Variants in AREL1 observed in about 807,000 individuals in gnomAD.
AREL1 encodes apoptosis-resistant E3 ubiquitin protein ligase 1.
AREL1 carries 62 observed loss-of-function variants against 99.0 expected under a neutral mutation model. The ratio of observed to expected loss-of-function variants is 0.63; its 90% CI spans 0.51 to 0.77. AREL1 has a LOEUF of 0.77. Ranked by LOEUF, AREL1 falls within the 30% of genes least tolerant of loss-of-function variation. The pLI, the probability that AREL1 is intolerant of heterozygous loss-of-function variation, is 0.00. For synonymous variants in AREL1, 380 were observed against 376.5 expected, an observed-to-expected ratio of 1.01 and a Z score of -0.11; for missense variants, 879 against 1,027.6, an observed-to-expected ratio of 0.86 and a Z score of 1.98.
At position 74,673,127 on chromosome 14, in the gene AREL1, T is replaced by C; in HGVS notation, c.1250A>G (p.Glu417Gly). ...IQPPVELSCK[E>G]RNILAATFIR... ...AAAAGTGGCTGCTAGAATGTTCCTC[T>C]CCTTACAGCTGAGCTCCACAGGAGG... Residue 417 changes from glutamate (E) to glycine (G), a missense_variant, in exon 10 of 20, where the codon GAG (glutamate) becomes GGG (glycine). By Grantham distance (98) the Glu-to-Gly change is moderately conservative. Coordinates refer to ENST00000356357, the MANE Select transcript of AREL1 (RefSeq NM_001039479.2). 1 of 1,614,172 alleles carries C rather than the reference T, an allele frequency of 6.2e-7. No individual in the cohort carries two copies. The highest frequency in any genetic ancestry group is 1.7e-5 in the Admixed American group (1 of 60,026).
In AREL1 at chr14:74,673,994, A is replaced by G. The variant is rs769827949; in HGVS notation, c.1158+40T>C. The stretch of plus-strand genomic sequence containing the variant: ...AAAAGGCTGAGATAGTCCAGAGATG[A>G]AGCATGCTTGATGTGAACCAGATGT... On this transcript the variant is annotated intron_variant, in intron 9 of 19. Coordinates refer to ENST00000356357, the MANE Select transcript of AREL1 (RefSeq NM_001039479.2). 7 of 1,526,964 alleles carry G rather than the reference A, an allele frequency of 4.6e-6. No individual in the cohort carries two copies. In the South Asian group the frequency reaches 6.8e-5, roughly 15 times the overall value. The allele number at this position is 1,526,964 out of a possible 1,614,324, so 94.6% of individuals were successfully genotyped here.
At chr14:74,667,219 C>A in intron 17 of AREL1, 100 bp downstream of exon 17, 1 of 1,407,824 alleles carries the variant, frequency 7.1e-7, no homozygotes, top group Non-Finnish European at 9.9e-7. Flanking sequence ...GCATAAATGG[C>A]TTTCCAGCTG....
At chr14:74,678,695 CAAA>C (rs71119311) in intron 5 of AREL1, among the ~76,000 whole-genome samples, 45 of 95,370 alleles carry the variant, frequency 4.7e-4, no homozygotes, top group African/African-American at 6.8e-4. Context: ...CATGTATAAG[CAAA>C]AAAAAAAAAA....
At position 74,674,093 on chromosome 14, in the gene AREL1, ACTC is replaced by A. The variant is rs1432337720; in HGVS notation, c.1096_1098del (p.Glu366del). On this transcript the variant is annotated inframe_deletion, in exon 9 of 20. Coordinates refer to ENST00000356357, the MANE Select transcript of AREL1 (RefSeq NM_001039479.2). ...CGCCAGGGGATGATCTTCAGGTAGA[ACTC>A]CTTCACTGAGAATTGCTGGAGGACC... The A allele has an allele frequency of 6.2e-7, 1 of 1,613,574 alleles. No individual in the cohort carries two copies. The highest frequency in any genetic ancestry group is 2.2e-5 in the East Asian group (1 of 44,874).
chr14:74,665,099 C>T (rs374941116), intron 17 of AREL1, 174 bp from the exon 18 acceptor site: 68 of 520,684 alleles, frequency 1.3e-4, no homozygotes, highest in African/African-American at 1.1e-3. Context: ...TTACATACAA[C>T]AGGGCAATAG....
At chr14:74,669,534 T>G in intron 15 of AREL1, 115 bp downstream of exon 15, 1 of 1,365,874 alleles carries the variant, frequency 7.3e-7, no homozygotes, top group Non-Finnish European at 9.9e-7. Flanking sequence ...TTTGGGTGTT[T>G]AATAGACAAC....
At chr14:74,674,185 A>G in intron 8 of AREL1, 74 bp from the exon 9 acceptor site, 1 of 1,219,316 alleles carries the variant, frequency 8.2e-7, no homozygotes, top group Admixed American at 1.9e-5. Context: ...TAATTCAAAT[A>G]TCATAGTCCC....
At position 74,692,067 on chromosome 14, in the gene AREL1, A is replaced by T. The variant is rs1399438688; in HGVS notation, c.-72T>A. ...TTTAAACGAGGGCCCATGTTCTGAGAACCAAGTAGAGCACTCCTATTCACC... is the reference window on the plus strand; with the variant it reads ...TTTAAACGAGGGCCCATGTTCTGAGTACCAAGTAGAGCACTCCTATTCACC... On this transcript the variant is annotated 5_prime_UTR_variant, in exon 2 of 20. Transcript: ENST00000356357. 11 of 407,270 alleles carry T rather than the reference A, an allele frequency of 2.7e-5. No homozygotes were observed. The highest frequency in any genetic ancestry group is 6.4e-5 in the African/African-American group (3 of 46,844). The allele number at this position is 407,270 out of a possible 1,614,324, so 25.2% of individuals were successfully genotyped here.
chr14:74,701,820 G>A (rs575638107), intron 1 of AREL1: 2 of 152,350 alleles, frequency 1.3e-5, no homozygotes, highest in East Asian at 3.9e-4. Context: ...TACAATGGGA[G>A]TACAGGCAAT....
intron 2 of AREL1, among the ~76,000 whole-genome samples, chr14:74,690,895 T>A (rs2089863377): frequency 6.6e-6 from 1 of 152,172 alleles, no homozygotes; most frequent in South Asian, 2.1e-4. Flanking sequence ...CCTAAGTAAC[T>A]GTCACCACGA....
chr14:74,694,668 G>A (rs2089945575), intron 1 of AREL1, among the ~76,000 whole-genome samples: 2 of 152,102 alleles, frequency 1.3e-5, no homozygotes, highest in African/African-American at 4.8e-5. Flanking sequence ...GAGAGAATGG[G>A]CAAGTTATCC....
intron 10 of AREL1, 39 bp downstream of exon 10, chr14:74,673,038 G>C: frequency 6.2e-7 from 1 of 1,614,022 alleles, no homozygotes. Context: ...ATGTGGCTGG[G>C]CTCACTACCT....
intron 2 of AREL1, among the ~76,000 whole-genome samples, chr14:74,690,503 T>C (rs890270975): frequency 2.6e-5 from 4 of 152,166 alleles, no homozygotes; most frequent in Admixed American, 2.6e-4. Flanking sequence ...TTTAATTCAG[T>C]TCAACAAGCA....
intron 5 of AREL1, 35 bp from the exon 6 acceptor site, chr14:74,676,787 A>T (rs2089490286): frequency 1.4e-6 from 2 of 1,458,316 alleles, no homozygotes; most frequent in Non-Finnish European, 1.8e-6. Context: ...ACATTTATTT[A>T]TTTTATTTTT....
chr14:74,671,436 G>A lies in AREL1; in HGVS notation c.1470C>T (p.Asn490=). The A allele has an allele frequency of 6.6e-7, 1 of 1,510,204 alleles. No individual in the cohort carries two copies. Among genetic ancestry groups the A allele is most frequent in the Non-Finnish European group, 8.9e-7 (1 of 1,123,562 alleles). 93.6% of individuals were successfully genotyped at this position (1,510,204 alleles called of 1,614,324 possible). A position where few individuals can be genotyped will look rare whatever the true frequency, so the allele number is the denominator to read the frequency against. Residue 490 remains asparagine (N), a synonymous_variant, in exon 12 of 20, where the codon AAC becomes AAT. Coordinates refer to ENST00000356357, the MANE Select transcript of AREL1 (RefSeq NM_001039479.2). ...CTTCATCCTGGAAAACAACCTCAAA[G>A]TTCTTGCTCCAATCTGAGATGGAGA... ...RNFSISDWSK[N]FEVVFQDEEA...
intron 18 of AREL1, among the ~76,000 whole-genome samples, chr14:74,664,453 T>C (rs1241766231): frequency 5.8e-5 from 8 of 138,694 alleles, no homozygotes; most frequent in Admixed American, 1.4e-4. Context: ...CCTTTCTTTT[T>C]TTTTTTTTTT....
chr14:74,664,448 CTTTTTTTTTTTTT>C (rs56728679), intron 18 of AREL1, among the ~76,000 whole-genome samples: 4 of 76,896 alleles, frequency 5.2e-5, no homozygotes, highest in South Asian at 5.6e-4. Context: ...CTTTTCCTTT[CTTTTTTTTTTTTT>C]TTTTTTTTTT....
At chr14:74,666,527 T>TTTTGG (rs1183042863) in intron 17 of AREL1, among the ~76,000 whole-genome samples, 1 of 152,228 alleles carries the variant, frequency 6.6e-6, no homozygotes, top group Non-Finnish European at 1.5e-5. Context: ...TGATCTCATC[T>TTTTGG]TTTGGTTTGT....
At chr14:74,680,672 A>C (rs1220103305) in intron 5 of AREL1, among the ~76,000 whole-genome samples, 2 of 152,252 alleles carry the variant, frequency 1.3e-5, no homozygotes, top group Admixed American at 6.5e-5. Flanking sequence ...TAGTTAAACA[A>C]ACTGGTACAT....
Sources: gnomAD v4.1 joint callset for allele counts (sites outside exome capture counted in the v4.1 genomes callset) on GRCh38, gnomAD v4.1.1 for gene constraint, MANE v1.5 for transcripts, NCBI Gene and HGNC (gene_info 2026-07-23, HGNC 2026-07-21) for gene names.